The following SAMD5 variants were observed in gnomAD, a reference collection of about 807,000 sequenced individuals.
The protein encoded by SAMD5 is sterile alpha motif domain-containing protein 5.
SAMD5 carries 13 observed loss-of-function variants against 11.3 expected under a neutral mutation model. That is an observed-to-expected ratio of 1.15 (90% CI 0.75 to 1.83). The LOEUF (loss-of-function observed/expected upper bound fraction) is 1.83, where lower values mean the gene tolerates loss of function less well. Among genes scored for constraint, SAMD5 ranks in the 40% most tolerant of loss-of-function variants. The pLI, the probability that SAMD5 is intolerant of heterozygous loss-of-function variation, is 0.00. For synonymous variants in SAMD5, 129 were observed against 111.3 expected (o/e 1.16, Z -1.00); for missense variants, 255 against 239.1 (o/e 1.07, Z -0.44).
intron 1 of SAMD5, among the ~76,000 whole-genome samples, chr6:147,601,429 T>C (rs1408917999): frequency 6.6e-6 from 1 of 152,078 alleles, no homozygotes; most frequent in East Asian, 1.9e-4. Flanking sequence ...TTTCTCTAAC[T>C]CATGTAAGGA....
At chr6:147,621,949 G>A (rs536805800) in intron 1 of SAMD5, among the ~76,000 whole-genome samples, 3 of 152,312 alleles carry the variant, frequency 2.0e-5, no homozygotes, top group Admixed American at 6.5e-5. Flanking sequence ...ATATCTGAAC[G>A]GATAAAATGA....
intron 1 of SAMD5, among the ~76,000 whole-genome samples, chr6:147,545,521 T>C (rs1052286565): frequency 3.3e-5 from 5 of 152,134 alleles, no homozygotes; most frequent in African/African-American, 1.2e-4. Context: ...TTCCTTAAAT[T>C]AGCTGAAAAG....
At chr6:147,665,973 C>G (rs376341115) in intron 1 of SAMD5, among the ~76,000 whole-genome samples, 2 of 152,212 alleles carry the variant, frequency 1.3e-5, no homozygotes, top group African/African-American at 4.8e-5. Flanking sequence ...GGGTCTCACT[C>G]TGTTGCCCCG....
At chr6:147,724,213 C>T (rs903267653) in intron 1 of SAMD5, among the ~76,000 whole-genome samples, 12 of 152,162 alleles carry the variant, frequency 7.9e-5, no homozygotes, top group African/African-American at 2.9e-4. Context: ...CTGCAACCTC[C>T]TCCTCAACGG....
intron 1 of SAMD5, among the ~76,000 whole-genome samples, chr6:147,704,329 C>G (rs1388906835): frequency 6.6e-6 from 1 of 151,738 alleles, no homozygotes; most frequent in Non-Finnish European, 1.5e-5. Flanking sequence ...AAAAAAAAAT[C>G]CCTACTTGTA....
At chr6:147,540,557 T>A (rs1788583382) in intron 1 of SAMD5, among the ~76,000 whole-genome samples, 1 of 152,166 alleles carries the variant, frequency 6.6e-6, no homozygotes, top group Non-Finnish European at 1.5e-5. Flanking sequence ...GCAAAGTTTG[T>A]AACTGACCAG....
At chr6:147,529,465 A>G (rs1048882279) in intron 1 of SAMD5, among the ~76,000 whole-genome samples, 3 of 152,194 alleles carry the variant, frequency 2.0e-5, no homozygotes, top group Non-Finnish European at 4.4e-5. Context: ...TCTTCCGCTA[A>G]TAGTATAAAC....
chr6:147,764,359 T>C, the SAMD5 span, among the ~76,000 whole-genome samples: 1 of 152,184 alleles, frequency 6.6e-6, no homozygotes, highest in East Asian at 1.9e-4. Context: ...ACTTTTATTA[T>C]TGAATTCTTA....
At chr6:147,865,236 ATGT>A in the SAMD5 span, among the ~76,000 whole-genome samples, 1 of 150,480 alleles carries the variant, frequency 6.6e-6, no homozygotes, top group Non-Finnish European at 1.5e-5. Flanking sequence ...ACAGACTGTG[ATGT>A]GTGTGTGTGT....
chr6:147,714,526 GA>G (rs1291793149), intron 1 of SAMD5, among the ~76,000 whole-genome samples: 1 of 152,272 alleles, frequency 6.6e-6, no homozygotes, highest in East Asian at 1.9e-4. Flanking sequence ...AGGGGAGGGG[GA>G]CAATTGCTTT....
chr6:147,807,801 A>T, the SAMD5 span, among the ~76,000 whole-genome samples: 4 of 152,298 alleles, frequency 2.6e-5, no homozygotes, highest in African/African-American at 9.6e-5. Context: ...ATGTATTTGC[A>T]TAAGGGCATG....
At chr6:147,898,465 T>C in the SAMD5 span, among the ~76,000 whole-genome samples, 1 of 152,226 alleles carries the variant, frequency 6.6e-6, no homozygotes, top group Non-Finnish European at 1.5e-5. Context: ...CTGAAGTGCC[T>C]GGATGGGCAC....
the SAMD5 span, among the ~76,000 whole-genome samples, chr6:147,876,619 G>A: frequency 2.0e-5 from 3 of 152,314 alleles, no homozygotes; most frequent in South Asian, 2.1e-4. Flanking sequence ...TCTATTATCT[G>A]CAGTACACTT....
chr6:147,582,684 A>G (rs1243512757), intron 1 of SAMD5, among the ~76,000 whole-genome samples: 1 of 152,234 alleles, frequency 6.6e-6, no homozygotes, highest in Non-Finnish European at 1.5e-5. Context: ...TGAAAGCCAG[A>G]ATCAAGCACA....
At chr6:147,624,869 G>A in intron 1 of SAMD5, among the ~76,000 whole-genome samples, 1 of 113,432 alleles carries the variant, frequency 8.8e-6, no homozygotes, top group South Asian at 3.5e-4. Flanking sequence ...AAAAACCTAT[G>A]GAAATAAAAA....
At chr6:147,929,136 C>G in the SAMD5 span, among the ~76,000 whole-genome samples, 1 of 152,176 alleles carries the variant, frequency 6.6e-6, no homozygotes, top group African/African-American at 2.4e-5. Context: ...AAGAACCACA[C>G]TGTCCTGGTT....
intron 1 of SAMD5, among the ~76,000 whole-genome samples, chr6:147,582,655 T>C (rs1420930148): frequency 6.6e-6 from 1 of 152,210 alleles, no homozygotes; most frequent in Non-Finnish European, 1.5e-5. Context: ...GAGCTTTAGG[T>C]ATTTCCCCTT....
intron 1 of SAMD5, among the ~76,000 whole-genome samples, chr6:147,629,041 A>G (rs1264896474): frequency 6.6e-6 from 1 of 152,158 alleles, no homozygotes; most frequent in Non-Finnish European, 1.5e-5. Flanking sequence ...GTGTAATCCC[A>G]GCATTTTGGG....
chr6:147,712,907 T>A (rs1239135641), intron 1 of SAMD5, among the ~76,000 whole-genome samples: 2 of 152,212 alleles, frequency 1.3e-5, no homozygotes, highest in Non-Finnish European at 2.9e-5. Flanking sequence ...ATTGGAGCAG[T>A]TTATTGGTTC....
Sources: gnomAD v4.1 joint callset for allele counts (sites outside exome capture counted in the v4.1 genomes callset) on GRCh38, gnomAD v4.1.1 for gene constraint, MANE v1.5 for transcripts, NCBI Gene and HGNC (gene_info 2026-07-23, HGNC 2026-07-21) for gene names.